Variants in PRORP observed in about 807,000 individuals in gnomAD.
PRORP encodes the protein protein only RNase P catalytic subunit.
Under a neutral mutation model 59.4 loss-of-function variants are expected in PRORP, and 51 were observed. The observed-to-expected ratio is 0.86, with a 90% CI of 0.69 to 1.08. The LOEUF (loss-of-function observed/expected upper bound fraction) is 1.08, where lower values mean the gene tolerates loss of function less well. Ranked by LOEUF, PRORP falls within the 50% of genes least tolerant of loss-of-function variation. PRORP has a pLI of 0.00. For missense variants in PRORP, 646 were observed against 690.3 expected (o/e 0.94, Z 0.72); for synonymous variants, 231 against 245.6 (o/e 0.94, Z 0.55).
At chr14:35,259,487 A>G (rs1249654491) in intron 5 of PRORP, among the ~76,000 whole-genome samples, 1 of 151,662 alleles carries the variant, frequency 6.6e-6, no homozygotes, top group African/African-American at 2.4e-5. Flanking sequence ...TTTGCCATTT[A>G]TTTTTTCTTT....
intron 5 of PRORP, among the ~76,000 whole-genome samples, chr14:35,218,607 A>G (rs977066592): frequency 7.3e-6 from 1 of 136,932 alleles, no homozygotes; most frequent in African/African-American, 2.8e-5. Flanking sequence ...GCTCACTGCA[A>G]CTTCCGCCTC....
At chr14:35,237,477 T>C (rs1045841110) in intron 5 of PRORP, among the ~76,000 whole-genome samples, 2 of 152,144 alleles carry the variant, frequency 1.3e-5, no homozygotes, top group Non-Finnish European at 2.9e-5. Context: ...TAAATCCCTA[T>C]CATAGCCTCC....
At chr14:35,202,480 G>C (rs11624462) in intron 5 of PRORP, among the ~76,000 whole-genome samples, 24,208 of 151,974 alleles carry the variant, frequency 0.16, 2,255 homozygotes, top group Middle Eastern at 0.23. Flanking sequence ...ATGTATTTTT[G>C]ATTTTTGTTT....
At chr14:35,229,706 T>G (rs1157004256) in intron 5 of PRORP, among the ~76,000 whole-genome samples, 1 of 152,248 alleles carries the variant, frequency 6.6e-6, no homozygotes, top group East Asian at 1.9e-4. Context: ...AATGTAAGTT[T>G]AGAAAGAGCT....
At chr14:35,227,347 G>A (rs948227421) in intron 5 of PRORP, among the ~76,000 whole-genome samples, 4 of 151,910 alleles carry the variant, frequency 2.6e-5, no homozygotes, top group African/African-American at 9.7e-5. Flanking sequence ...GGGAGGCTGA[G>A]GCAGGAGAAT....
intron 5 of PRORP, among the ~76,000 whole-genome samples, chr14:35,202,932 C>T (rs1183497868): frequency 1.3e-5 from 2 of 152,132 alleles, no homozygotes; most frequent in African/African-American, 2.4e-5. Context: ...GGGCACTTGG[C>T]CTGAAAAGTG....
At chr14:35,217,943 GA>G (rs1372420464) in intron 5 of PRORP, among the ~76,000 whole-genome samples, 11 of 152,186 alleles carry the variant, frequency 7.2e-5, no homozygotes, top group African/African-American at 2.6e-4. Context: ...ATTTCCATGT[GA>G]ATTTTAGAAT....
At chr14:35,152,074 C>T (rs1457436907) in intron 4 of PRORP, among the ~76,000 whole-genome samples, 1 of 152,076 alleles carries the variant, frequency 6.6e-6, no homozygotes, top group Non-Finnish European at 1.5e-5. Flanking sequence ...GCAGAGGACC[C>T]TGCGGCCCTC....
At chr14:35,146,983 G>C (rs1238887825) in intron 4 of PRORP, among the ~76,000 whole-genome samples, 1 of 151,940 alleles carries the variant, frequency 6.6e-6, no homozygotes, top group East Asian at 1.9e-4. Context: ...TGTAGTCCTA[G>C]CTACTTTGGA....
intron 7 of PRORP, among the ~76,000 whole-genome samples, chr14:35,271,550 G>C (rs928160739): frequency 6.6e-6 from 1 of 152,158 alleles, no homozygotes; most frequent in Admixed American, 6.5e-5. Flanking sequence ...CTTCTGCTAA[G>C]TAATTTGTTT....
chr14:35,262,952 G>GA, intron 5 of PRORP: 1 of 1,597,962 alleles, frequency 6.3e-7, no homozygotes, highest in Non-Finnish European at 8.5e-7. Flanking sequence ...AGCAAGCCAC[G>GA]ACAGTTAAAA....
At chr14:35,259,458 T>A (rs1207604599) in intron 5 of PRORP, among the ~76,000 whole-genome samples, 1 of 152,220 alleles carries the variant, frequency 6.6e-6, no homozygotes, top group African/African-American at 2.4e-5. Context: ...ATACTGTTAT[T>A]GATATGTTAG....
intron 5 of PRORP, among the ~76,000 whole-genome samples, chr14:35,199,736 A>T (rs998346252): frequency 6.6e-5 from 10 of 152,324 alleles, no homozygotes; most frequent in Middle Eastern, 3.4e-3. Context: ...GTGTGAACAG[A>T]CTGAGACCGT....
intron 4 of PRORP, among the ~76,000 whole-genome samples, chr14:35,145,973 C>CAT (rs2047600858): frequency 6.6e-6 from 1 of 151,562 alleles, no homozygotes; most frequent in Non-Finnish European, 1.5e-5. Flanking sequence ...GGATTACAGG[C>CAT]GCCTGCCACC....
chr14:35,216,325 G>C (rs1351984467), intron 5 of PRORP, among the ~76,000 whole-genome samples: 2 of 147,642 alleles, frequency 1.4e-5, no homozygotes, highest in Non-Finnish European at 3.0e-5. Context: ...TGTTGTTGTT[G>C]TTTTGACAAG....
intron 5 of PRORP, among the ~76,000 whole-genome samples, chr14:35,239,656 T>C (rs1241797532): frequency 6.6e-6 from 1 of 152,220 alleles, no homozygotes; most frequent in Non-Finnish European, 1.5e-5. Flanking sequence ...TCTTTGGCAT[T>C]TCAGACGTTG....
chr14:35,172,112 A>G (rs2048325216), intron 4 of PRORP, among the ~76,000 whole-genome samples: 1 of 147,608 alleles, frequency 6.8e-6, no homozygotes, highest in African/African-American at 2.5e-5. Flanking sequence ...ACAGTGGTAT[A>G]ATCTTGGCTC....
intron 4 of PRORP, among the ~76,000 whole-genome samples, chr14:35,132,950 G>A (rs1050799447): frequency 7.2e-5 from 11 of 151,908 alleles, no homozygotes; most frequent in Non-Finnish European, 1.5e-4. Flanking sequence ...GAGACGGAGT[G>A]TTGTTCTGTT....
At chr14:35,241,993 A>G (rs1226286596) in intron 5 of PRORP, among the ~76,000 whole-genome samples, 2 of 152,144 alleles carry the variant, frequency 1.3e-5, no homozygotes, top group Non-Finnish European at 2.9e-5. Flanking sequence ...GAGGGCAGGG[A>G]CCATGTCTTG....
Sources: gnomAD v4.1 joint callset for allele counts (sites outside exome capture counted in the v4.1 genomes callset) on GRCh38, gnomAD v4.1.1 for gene constraint, MANE v1.5 for transcripts, NCBI Gene and HGNC (gene_info 2026-07-23, HGNC 2026-07-21) for gene names.